ACOT13: variants seen among roughly 807,000 people sequenced by gnomAD.
ACOT13 encodes the protein acyl-CoA thioesterase 13.
ACOT13 carries 10 observed loss-of-function variants against 11.8 expected under a neutral mutation model. The ratio of observed to expected loss-of-function variants is 0.85; its 90% CI spans 0.53 to 1.44. ACOT13 has a LOEUF of 1.44. Among genes scored for constraint, ACOT13 ranks in the 40% most tolerant of loss-of-function variants. The probability of loss-of-function intolerance (pLI) is 0.00; values close to 1 mark genes in which losing one functional copy is unlikely to be tolerated. For synonymous variants in ACOT13, 53 were observed against 61.0 expected (o/e 0.87, Z 0.61); for missense variants, 172 against 174.1 (o/e 0.99, Z 0.07).
intron 1 of ACOT13, among the ~76,000 whole-genome samples, chr6:24,690,226 A>G (rs1226802546): frequency 6.6e-6 from 1 of 152,184 alleles, no homozygotes; most frequent in Non-Finnish European, 1.5e-5. Flanking sequence ...CTACCGTACT[A>G]GATTCCAAAC....
At chr6:24,674,343 G>A (rs576033385) in intron 1 of ACOT13, among the ~76,000 whole-genome samples, 86 of 149,024 alleles carry the variant, frequency 5.8e-4, no homozygotes, top group African/African-American at 2.0e-3. Context: ...GGCATGAGCC[G>A]CTGCCCCTGG....
At chr6:24,692,948 CTTTT>C (rs1470958994) in intron 1 of ACOT13, among the ~76,000 whole-genome samples, 69 of 152,324 alleles carry the variant, frequency 4.5e-4, no homozygotes, top group African/African-American at 1.6e-3. Context: ...AACCATGGTA[CTTTT>C]ATAGCATCTA....
intron 1 of ACOT13, among the ~76,000 whole-genome samples, chr6:24,668,887 GC>G (rs2127620335): frequency 6.6e-6 from 1 of 152,258 alleles, no homozygotes; most frequent in African/African-American, 2.4e-5. Context: ...TTTCCCATCT[GC>G]CACACAGAAA....
intron 2 of ACOT13, among the ~76,000 whole-genome samples, chr6:24,700,278 G>A (rs920595753): frequency 6.6e-6 from 1 of 152,148 alleles, no homozygotes; most frequent in Non-Finnish European, 1.5e-5. Context: ...GTTAATGGCT[G>A]TTAGCCAAAA....
At chr6:24,698,274 G>A (rs1778831918) in intron 2 of ACOT13, among the ~76,000 whole-genome samples, 1 of 152,174 alleles carries the variant, frequency 6.6e-6, no homozygotes, top group Non-Finnish European at 1.5e-5. Flanking sequence ...TGTATCAATA[G>A]TAAAAAGGGA....
Position 24,703,964 on chromosome 6 carries a change from AG to A in ACOT13, c.*2351del, listed in dbSNP as rs1048130150. 1.3e-5 allele frequency: 2 copies of A among 152,232 alleles called. No individual in the cohort carries two copies. Among genetic ancestry groups the A allele is most frequent in the Non-Finnish European group, 2.9e-5 (2 of 68,050 alleles). The allele number at this position is 152,232 out of a possible 1,614,324, so 9.4% of individuals were successfully genotyped here. A position where few individuals can be genotyped will look rare whatever the true frequency, so the allele number is the denominator to read the frequency against. ...GAGGTCATGGAACACATAAAGGCTA[AG>A]GAACTGTTCCACATTAAAGACAACT... On this transcript the variant is annotated 3_prime_UTR_variant, in exon 3 of 3. Transcript: ENST00000230048.
chr6:24,686,592 C>T lies in ACOT13; in HGVS notation c.82-11291C>T, dbSNP rs561837338. ...CTATTCTTTTTTCTTTTCTTTCCTT[C>T]CTTCCTTTCTTTCTTTTCTTCCTCT... On this transcript the variant is annotated intron_variant, in intron 1 of 2. Coordinates refer to ENST00000230048, the MANE Select transcript of ACOT13 (RefSeq NM_018473.4). 4.3e-4 allele frequency among the ~76,000 whole-genome samples: 63 copies of T among 148,120 alleles called. 1 individual carries two copies. Among genetic ancestry groups the T allele is most frequent in the Admixed American group, 2.7e-4 (4 of 14,712 alleles).
chr6:24,698,853 G>A (rs930101329), intron 2 of ACOT13, among the ~76,000 whole-genome samples: 1 of 152,088 alleles, frequency 6.6e-6, no homozygotes, highest in Admixed American at 6.6e-5. Flanking sequence ...GGCCAGGCTG[G>A]TCTTGAACTC....
At chr6:24,679,503 T>C (rs1046281213) in intron 1 of ACOT13, among the ~76,000 whole-genome samples, 6 of 152,224 alleles carry the variant, frequency 3.9e-5, no homozygotes, top group Non-Finnish European at 7.3e-5. Context: ...CCCTGTGTTA[T>C]AGTGGACATC....
chr6:24,675,582 A>AT lies in ACOT13; in HGVS notation c.81+8244dup, dbSNP rs1418902822. On this transcript the variant is annotated intron_variant, in intron 1 of 2. Transcript: ENST00000230048. ...GCCCACTTTTCGATGGGGTTGTTTG[A>AT]TTTTTTCTTGTAAATTTGTTTAAGT... 5.3e-5 allele frequency among the ~76,000 whole-genome samples: 8 copies of AT among 151,646 alleles called. No homozygotes were observed. The South Asian group carries it at 8.3e-4, about 16-fold the overall frequency.
intron 1 of ACOT13, among the ~76,000 whole-genome samples, chr6:24,689,510 G>A (rs1310699470): frequency 1.3e-5 from 2 of 152,082 alleles, no homozygotes; most frequent in Admixed American, 6.5e-5. Context: ...GATACATTGG[G>A]AAGAGAAAAA....
At chr6:24,688,491 G>C (rs1255476543) in intron 1 of ACOT13, among the ~76,000 whole-genome samples, 2 of 146,326 alleles carry the variant, frequency 1.4e-5, no homozygotes, top group Non-Finnish European at 3.0e-5. Context: ...AGTGAGCTAT[G>C]ATCATGCCAC....
rs77730151 is a variant in ACOT13, at chr6:24,685,142, C to T, written c.82-12741C>T. ...CCACATTGCAAGTGCTCAGTACTGA[C>T]GTGGCTACTGGCTGTTGAACTGTAC... On this transcript the variant is annotated intron_variant, in intron 1 of 2. Coordinates refer to ENST00000230048, the MANE Select transcript of ACOT13 (RefSeq NM_018473.4). Among the ~76,000 whole-genome samples, 209 of 152,204 alleles carry T rather than the reference C, an allele frequency of 1.4e-3. 1 individual carries two copies. The South Asian group carries it at 0.014, about 10-fold the overall frequency.
intron 1 of ACOT13, among the ~76,000 whole-genome samples, chr6:24,678,290 G>C (rs542301269): frequency 2.6e-5 from 4 of 152,142 alleles, no homozygotes; most frequent in Non-Finnish European, 4.4e-5. Flanking sequence ...TGGTTTTTGG[G>C]AAAGCAGAGT....
intron 1 of ACOT13, among the ~76,000 whole-genome samples, chr6:24,691,756 T>C (rs1373400809): frequency 6.6e-6 from 1 of 152,062 alleles, no homozygotes; most frequent in Non-Finnish European, 1.5e-5. Flanking sequence ...AGGGCCCCAT[T>C]AGAGAGGGTT....
rs140132888 is a variant in ACOT13 at position 24,689,806 on chromosome 6, T to C, written c.82-8077T>C. 4.8e-3 allele frequency among the ~76,000 whole-genome samples: 725 copies of C among 152,292 alleles called. 4 individuals carry two copies. The highest frequency in any genetic ancestry group is 0.016 in the African/African-American group (668 of 41,562). ...AGGATTGAAGGAATCAGCATACAAT[T>C]AGTGAAGTAATGAACTCAAGAGTTA... On this transcript the variant is annotated intron_variant, in intron 1 of 2. Transcript: ENST00000230048.
rs1200011016 is a variant in ACOT13, at chr6:24,697,880, T to TA, written c.82-2dup. Reference sequence around the variant, plus strand: ...TGTTCAGGATTCTTTTTTTTACACTTAGATTACTCTTGTCTCTGCTGCTCC... The same window carrying TA: ...TGTTCAGGATTCTTTTTTTTACACTTAAGATTACTCTTGTCTCTGCTGCTCC... On this transcript the variant is annotated splice_region_variant and splice_polypyrimidine_tract_variant and intron_variant, in intron 1 of 2. Transcript: ENST00000230048. 1 of 1,591,524 alleles carries TA rather than the reference T, an allele frequency of 6.3e-7. No individual in the cohort carries two copies.
chr6:24,701,750 A>G lies in ACOT13; in HGVS notation c.*135A>G, dbSNP rs1022083850. On this transcript the variant is annotated 3_prime_UTR_variant, in exon 3 of 3. Transcript: ENST00000230048. ...ATATTCTTGGAGGAAAAGGACCTGG[A>G]TATCAAGTAGGGTAAAGGTGGGGGT... 2.2e-6 allele frequency: 2 copies of G among 912,424 alleles called. No individual in the cohort carries two copies. Among genetic ancestry groups the G allele is most frequent in the Middle Eastern group, 3.7e-4 (1 of 2,672 alleles). 56.5% of individuals were successfully genotyped at this position (912,424 alleles called of 1,614,324 possible).
chr6:24,679,461 T>A (rs1778510646), intron 1 of ACOT13, among the ~76,000 whole-genome samples: 1 of 152,214 alleles, frequency 6.6e-6, no homozygotes, highest in Admixed American at 6.5e-5. Flanking sequence ...TCCCTTAGTC[T>A]CACCAGAAAG....
Sources: allele counts gnomAD v4.1 joint callset (sites outside exome capture counted in the v4.1 genomes callset), GRCh38; gene constraint gnomAD v4.1.1; transcripts MANE v1.5; gene names NCBI Gene and HGNC (gene_info 2026-07-23, HGNC 2026-07-21).